Variants in BRINP3 observed in about 807,000 individuals in gnomAD.
BRINP3 encodes the protein BMP/retinoic acid inducible neural specific 3.
In BRINP3, 19 loss-of-function variants were observed where a neutral mutation model predicts 71.0. That is an observed-to-expected ratio of 0.27 (90% CI 0.19 to 0.39). The LOEUF (loss-of-function observed/expected upper bound fraction) is 0.39. BRINP3 is among the 10% of genes least tolerant of loss of function. The pLI is 1.00. For missense variants in BRINP3, 959 were observed against 940.8 expected, an observed-to-expected ratio of 1.02 and a Z score of -0.25; for synonymous variants, 380 against 337.7, an observed-to-expected ratio of 1.13 and a Z score of -1.37.
rs55883308 is a variant in BRINP3 at position 190,294,847 on chromosome 1, C to T, written c.237-13097G>A. On this transcript the variant is annotated intron_variant, in intron 2 of 7. Transcript: ENST00000367462. ...TTTAGCACTAAAGGGTGCCCTGACC[C>T]TAGGTTTGTTGTAAGTCTTGCAAAC... 6.2e-3 allele frequency among the ~76,000 whole-genome samples: 942 copies of T among 151,962 alleles called. 13 individuals carry two copies. Among genetic ancestry groups the T allele is most frequent in the African/African-American group, 0.021 (883 of 41,448 alleles).
At chr1:190,392,021 G>A (rs1464866667) in intron 2 of BRINP3, among the ~76,000 whole-genome samples, 2 of 149,584 alleles carry the variant, frequency 1.3e-5, no homozygotes, top group Non-Finnish European at 3.0e-5. Flanking sequence ...ACAGCAGACA[G>A]TATGATGTTA....
intron 2 of BRINP3, among the ~76,000 whole-genome samples, chr1:190,421,326 T>C (rs1483293735): frequency 6.7e-6 from 1 of 148,764 alleles, no homozygotes; most frequent in Non-Finnish European, 1.5e-5. Flanking sequence ...ATTATTATTA[T>C]TGCCAGTTGA....
At chr1:190,168,213 A>G (rs1432404205) in intron 6 of BRINP3, among the ~76,000 whole-genome samples, 1 of 144,182 alleles carries the variant, frequency 6.9e-6, no homozygotes, top group African/African-American at 2.7e-5. Context: ...TAATTTGTAT[A>G]TATATATATA....
chr1:190,213,483 G>A (rs2102657861), intron 6 of BRINP3, among the ~76,000 whole-genome samples: 1 of 152,146 alleles, frequency 6.6e-6, no homozygotes, highest in South Asian at 2.1e-4. Context: ...GAATAAAAGA[G>A]AATTGAGAGA....
chr1:190,268,797 C>CGA (rs1418770511), intron 3 of BRINP3, among the ~76,000 whole-genome samples: 1 of 151,940 alleles, frequency 6.6e-6, no homozygotes, highest in East Asian at 1.9e-4. Flanking sequence ...TAGATCACAC[C>CGA]ATTTAAACAG....
intron 2 of BRINP3, among the ~76,000 whole-genome samples, chr1:190,290,014 A>G (rs1180181270): frequency 6.6e-6 from 1 of 152,070 alleles, no homozygotes; most frequent in Non-Finnish European, 1.5e-5. Context: ...GAAATGAGTA[A>G]ATATTCTCAT....
intron 2 of BRINP3, among the ~76,000 whole-genome samples, chr1:190,419,863 G>GA (rs138408671): frequency 0.14 from 20,148 of 148,076 alleles, 1,412 homozygotes; most frequent in Non-Finnish European, 0.14. Flanking sequence ...TCCCTGATTA[G>GA]AAAAAAAAAA....
intron 1 of BRINP3, among the ~76,000 whole-genome samples, chr1:190,458,080 C>T (rs1676126356): frequency 6.6e-6 from 1 of 151,962 alleles, no homozygotes; most frequent in Non-Finnish European, 1.5e-5. Flanking sequence ...CAGAGAACTA[C>T]CTAACAATAT....
At chr1:190,323,841 G>A (rs751651739) in intron 2 of BRINP3, among the ~76,000 whole-genome samples, 5 of 151,850 alleles carry the variant, frequency 3.3e-5, no homozygotes, top group Non-Finnish European at 2.9e-5. Context: ...GCATAGGAGT[G>A]ATGAGTGATA....
chr1:190,373,858 C>A (rs1296551179), intron 2 of BRINP3, among the ~76,000 whole-genome samples: 1 of 150,764 alleles, frequency 6.6e-6, no homozygotes, highest in Admixed American at 6.6e-5. Context: ...ACTTTTGCAC[C>A]AACCTAACAG....
chr1:190,188,615 T>A (rs903234961), intron 6 of BRINP3, among the ~76,000 whole-genome samples: 3 of 152,138 alleles, frequency 2.0e-5, no homozygotes, highest in Non-Finnish European at 4.4e-5. Flanking sequence ...AAACATCATT[T>A]TTTTTTCTTT....
At position 190,375,537 on chromosome 1, in the gene BRINP3, C is replaced by A. The variant is rs1328794546; in HGVS notation, c.236+79118G>T. Among the ~76,000 whole-genome samples the A allele has an allele frequency of 2.6e-5, 4 of 151,986 alleles. No individual in the cohort carries two copies. In the East Asian group the frequency reaches 7.7e-4, roughly 29 times the overall value. The stretch of plus-strand genomic sequence containing the variant: ...TTCGTACTACAGATAAAAAGCCTAG[C>A]ATATCTAATTTATAAAAATCTCTAT... On this transcript the variant is annotated intron_variant, in intron 2 of 7. Coordinates refer to ENST00000367462, the MANE Select transcript of BRINP3 (RefSeq NM_199051.3).
At chr1:190,207,253 A>T (rs941041769) in intron 6 of BRINP3, among the ~76,000 whole-genome samples, 3 of 152,094 alleles carry the variant, frequency 2.0e-5, no homozygotes, top group African/African-American at 7.2e-5. Flanking sequence ...TCATGCTTCA[A>T]TAGTGTTTGG....
At chr1:190,282,637 C>A (rs1436753358) in intron 2 of BRINP3, among the ~76,000 whole-genome samples, 1 of 151,884 alleles carries the variant, frequency 6.6e-6, no homozygotes, top group Non-Finnish European at 1.5e-5. Flanking sequence ...ATCTTTATTT[C>A]TATTTTTCTC....
chr1:190,108,541 C>T (rs1652391359), intron 7 of BRINP3, among the ~76,000 whole-genome samples: 1 of 150,522 alleles, frequency 6.6e-6, no homozygotes, highest in Non-Finnish European at 1.5e-5. Context: ...TTTAATATGA[C>T]ATTATGTTTA....
chr1:190,307,739 T>G (rs1665220242), intron 2 of BRINP3, among the ~76,000 whole-genome samples: 1 of 151,964 alleles, frequency 6.6e-6, no homozygotes, highest in Admixed American at 6.6e-5. Context: ...GAAGTAACTT[T>G]CTTTTTTTCA....
At chr1:190,313,354 T>C (rs1027689497) in intron 2 of BRINP3, among the ~76,000 whole-genome samples, 7 of 152,024 alleles carry the variant, frequency 4.6e-5, no homozygotes, top group Admixed American at 3.9e-4. Context: ...GCATAGATGA[T>C]ACAGGAAGAA....
At chr1:190,475,983 G>T (rs914011251) in intron 1 of BRINP3, 1 of 152,418 alleles carries the variant, frequency 6.6e-6, no homozygotes, top group African/African-American at 2.4e-5. Context: ...CAGGACGACC[G>T]GACTGGGAAA....
chr1:190,400,825 T>C (rs1340060727), intron 2 of BRINP3, among the ~76,000 whole-genome samples: 1 of 152,172 alleles, frequency 6.6e-6, no homozygotes, highest in Non-Finnish European at 1.5e-5. Context: ...TGTGGTGACA[T>C]TGATTCAGAA....
Sources: gnomAD v4.1 joint callset for allele counts (sites outside exome capture counted in the v4.1 genomes callset) on GRCh38, gnomAD v4.1.1 for gene constraint, MANE v1.5 for transcripts, NCBI Gene and HGNC (gene_info 2026-07-23, HGNC 2026-07-21) for gene names.